NAT1: variants seen among roughly 807,000 people sequenced by gnomAD.
NAT1 encodes the protein N-acetyltransferase 1.
For missense variants in NAT1, 400 were observed against 339.2 expected (o/e 1.18, Z -1.41); for synonymous variants, 144 against 122.6 (o/e 1.17, Z -1.16).
chr8:18,181,377 T>C (rs953357670), intron 2 of NAT1, among the ~76,000 whole-genome samples: 49 of 152,194 alleles, frequency 3.2e-4, no homozygotes, highest in Middle Eastern at 3.4e-3. Context: ...TTCACAGAAA[T>C]AGAAAAAAAA....
chr8:18,188,079 C>T (rs932577360), intron 2 of NAT1, among the ~76,000 whole-genome samples: 5 of 151,856 alleles, frequency 3.3e-5, no homozygotes, highest in African/African-American at 1.2e-4. Context: ...TTACATAATA[C>T]AGACTAGATC....
intron 2 of NAT1, among the ~76,000 whole-genome samples, chr8:18,174,223 G>T (rs1186771557): frequency 3.3e-5 from 5 of 152,190 alleles, no homozygotes; most frequent in African/African-American, 9.6e-5. Context: ...TGAGGGAAAA[G>T]CTGTGAGGCA....
intron 2 of NAT1, among the ~76,000 whole-genome samples, chr8:18,200,464 T>C (rs1803414145): frequency 6.6e-6 from 1 of 152,192 alleles, no homozygotes. Flanking sequence ...TGTTCTCACT[T>C]ATAAGTTGGC....
intron 2 of NAT1, among the ~76,000 whole-genome samples, chr8:18,177,294 G>A (rs1194354120): frequency 6.6e-6 from 1 of 151,902 alleles, no homozygotes; most frequent in Non-Finnish European, 1.5e-5. Context: ...CATTGAATAG[G>A]TTTTGGAATA....
At chr8:18,191,202 A>T (rs78616776) in intron 2 of NAT1, among the ~76,000 whole-genome samples, 7,426 of 152,300 alleles carry the variant, frequency 0.049, 543 homozygotes, top group African/African-American at 0.16. Context: ...ATCAGGCTCA[A>T]GTGAGCATTT....
chr8:18,212,497 G>C (rs1238335720), intron 1 of NAT1: 1 of 152,274 alleles, frequency 6.6e-6, no homozygotes, highest in Non-Finnish European at 1.5e-5. Context: ...GAGAGCCCCA[G>C]CTGCAGCCTG....
At chr8:18,216,058 G>T (rs1290513444) in intron 1 of NAT1, among the ~76,000 whole-genome samples, 1 of 1,874 alleles carries the variant, frequency 5.3e-4, no homozygotes, top group Non-Finnish European at 1.0e-3. Flanking sequence ...CTCAGTGAAT[G>T]TGCTTTTTTT....
chr8:18,201,237 G>A (rs536089409), intron 2 of NAT1: 11 of 152,176 alleles, frequency 7.2e-5, no homozygotes, highest in Admixed American at 1.3e-4. Context: ...AATTTAATGA[G>A]TCAAAATCAT....
intron 2 of NAT1, among the ~76,000 whole-genome samples, chr8:18,198,477 G>A (rs936617117): frequency 5.3e-5 from 8 of 152,144 alleles, no homozygotes; most frequent in African/African-American, 1.9e-4. Flanking sequence ...AGTATCAAGA[G>A]CTCTCAGTAG....
At chr8:18,196,176 C>T (rs1246462314) in intron 2 of NAT1, among the ~76,000 whole-genome samples, 2 of 151,976 alleles carry the variant, frequency 1.3e-5, no homozygotes, top group African/African-American at 4.8e-5. Context: ...TCTCAAACTC[C>T]TGATCTCAAG....
At chr8:18,221,984 A>T in intron 2 of NAT1, 58 bp from the exon 3 acceptor site, 1 of 1,513,494 alleles carries the variant, frequency 6.6e-7, no homozygotes, top group Non-Finnish European at 8.9e-7. Flanking sequence ...TAATTAGCCT[A>T]CTCAAATCCA....
chr8:18,178,085 TG>T (rs1201483995), intron 2 of NAT1, among the ~76,000 whole-genome samples: 1 of 152,060 alleles, frequency 6.6e-6, no homozygotes, highest in Non-Finnish European at 1.5e-5. Flanking sequence ...ATTGGAGTCA[TG>T]GGACAGAGGG....
intron 1 of NAT1, among the ~76,000 whole-genome samples, chr8:18,213,062 A>G: frequency 8.8e-6 from 1 of 113,596 alleles, no homozygotes; most frequent in African/African-American, 3.5e-5. Context: ...GTGCCACCAC[A>G]CCTCGCTTTT....
chr8:18,217,336 C>A (rs1702647076), intron 1 of NAT1, among the ~76,000 whole-genome samples: 1 of 152,212 alleles, frequency 6.6e-6, no homozygotes, highest in East Asian at 1.9e-4. Context: ...AGATAATATG[C>A]CCCAAATACT....
chr8:18,215,659 G>T (rs1804583041), intron 1 of NAT1, among the ~76,000 whole-genome samples: 1 of 151,492 alleles, frequency 6.6e-6, no homozygotes, highest in Non-Finnish European at 1.5e-5. Context: ...TGAATTGGTT[G>T]TGGTTTTTTT....
rs200909130 is a variant in NAT1, at chr8:18,223,661, GT to G, written c.*743del. On this transcript the variant is annotated 3_prime_UTR_variant, in exon 3 of 3. Coordinates refer to ENST00000307719, the MANE Select transcript of NAT1 (RefSeq NM_000662.8). ...GGTACAAAGTCATTATTTAATAAAA[GT>G]TATTGTTCCATCTTGCTTGCCCCCC... is the stretch of plus-strand genomic sequence containing the variant. 5.1e-3 allele frequency: 834 copies of G among 163,814 alleles called. 19 individuals carry two copies. The highest frequency in any genetic ancestry group is 5.0e-3 in the East Asian group (26 of 5,180). 10.1% of individuals were successfully genotyped at this position (163,814 alleles called of 1,614,324 possible).
Position 18,222,978 on chromosome 8 carries a change from C to A in NAT1, c.*58C>A. 7.0e-7 allele frequency: 1 copy of A among 1,426,442 alleles called. No homozygotes were observed. The highest frequency in any genetic ancestry group is 9.4e-7 in the Non-Finnish European group (1 of 1,068,392). 88.4% of individuals were successfully genotyped at this position (1,426,442 alleles called of 1,614,324 possible). A position where few individuals can be genotyped will look rare whatever the true frequency, so the allele number is the denominator to read the frequency against. On this transcript the variant is annotated 3_prime_UTR_variant, in exon 3 of 3. Coordinates refer to ENST00000307719, the MANE Select transcript of NAT1 (RefSeq NM_000662.8). ...ATCCAGCTCACCAGTTATCAACTGA[C>A]GACCTATCATGTATCTTCTGTACCC...
intron 2 of NAT1, among the ~76,000 whole-genome samples, chr8:18,185,668 T>A (rs1161519014): frequency 6.6e-6 from 1 of 152,148 alleles, no homozygotes; most frequent in Non-Finnish European, 1.5e-5. Context: ...TCATTCATTC[T>A]TCTTTTAAAA....
intron 2 of NAT1, among the ~76,000 whole-genome samples, chr8:18,219,966 A>G (rs1406587746): frequency 6.6e-6 from 1 of 152,236 alleles, no homozygotes; most frequent in Non-Finnish European, 1.5e-5. Context: ...AATAAAAGAG[A>G]TATAAAGTAA....
Sources: gnomAD v4.1 joint callset for allele counts (sites outside exome capture counted in the v4.1 genomes callset) on GRCh38, gnomAD v4.1.1 for gene constraint, MANE v1.5 for transcripts, NCBI Gene and HGNC (gene_info 2026-07-23, HGNC 2026-07-21) for gene names.